Variants in G3BP2 observed in about 807,000 individuals in gnomAD.
The protein encoded by G3BP2 is ras GTPase-activating protein-binding protein 2.
A neutral mutation model predicts 56.7 loss-of-function variants in G3BP2; 11 were observed. The observed-to-expected ratio is 0.19, with a 90% CI of 0.12 to 0.32. G3BP2 has a LOEUF of 0.32. Ranked by LOEUF, G3BP2 falls within the 10% of genes least tolerant of loss-of-function variation. The pLI is 1.00. For synonymous variants in G3BP2, 165 were observed against 191.6 expected, an observed-to-expected ratio of 0.86 and a Z score of 1.15; for missense variants, 340 against 610.9, an observed-to-expected ratio of 0.56 and a Z score of 4.67.
At chr4:75,691,448 A>G (rs914307300) in intron 3 of G3BP2, among the ~76,000 whole-genome samples, 3 of 152,128 alleles carry the variant, frequency 2.0e-5, no homozygotes, top group Non-Finnish European at 4.4e-5. Context: ...GCCTCAAGCA[A>G]TCCTCCCACC....
intron 3 of G3BP2, among the ~76,000 whole-genome samples, chr4:75,686,563 G>GCGGGGGGTGGGGGT (rs1421666318): frequency 6.9e-6 from 1 of 145,714 alleles, no homozygotes; most frequent in Non-Finnish European, 1.5e-5. Flanking sequence ...AGGGTGGGTG[G>GCGGGGGGTGGGGGT]CGGGGGGTGG....
At chr4:75,670,389 T>C (rs778012471) in intron 1 of G3BP2, 8 of 152,222 alleles carry the variant, frequency 5.3e-5, no homozygotes, top group Non-Finnish European at 1.2e-4. Flanking sequence ...CTTCAATCTT[T>C]TGTGGTACAC....
chr4:75,648,634 C>T lies in G3BP2; in HGVS notation c.928+5G>A, dbSNP rs765201138. The T allele has an allele frequency of 6.7e-7, 1 of 1,489,200 alleles. No homozygotes were observed. Among genetic ancestry groups the T allele is most frequent in the Non-Finnish European group, 9.4e-7 (1 of 1,066,800 alleles). The allele number at this position is 1,489,200 out of a possible 1,614,324, so 92.2% of individuals were successfully genotyped here. On this transcript the variant is annotated splice_donor_5th_base_variant and intron_variant, in intron 9 of 11. Transcript: ENST00000359707. ...ATGCTAAAGGCTATAAAGGAGCTGA[C>T]TCACCTGGTCTTGGTCCTCTAGGAG...
chr4:75,695,658 T>C (rs1275068329), intron 3 of G3BP2, among the ~76,000 whole-genome samples: 2 of 152,014 alleles, frequency 1.3e-5, no homozygotes, highest in Admixed American at 6.5e-5. Context: ...ACTCTGGCAG[T>C]CAAAGACGCA....
intron 3 of G3BP2, among the ~76,000 whole-genome samples, chr4:75,692,149 T>C (rs2149082605): frequency 6.6e-6 from 1 of 152,304 alleles, no homozygotes; most frequent in African/African-American, 2.4e-5. Context: ...GTTGTCACTA[T>C]TATGTTCCTT....
chr4:75,655,233 C>G lies in G3BP2; in HGVS notation c.559G>C (p.Glu187Gln). The G allele has an allele frequency of 6.2e-7, 1 of 1,609,284 alleles. No homozygotes were observed. The highest frequency in any genetic ancestry group is 8.5e-7 in the Non-Finnish European group (1 of 1,177,184). ...EAHPVTNGIEEPLEESSHEPE... is the reference protein window; with the variant it reads ...EAHPVTNGIEQPLEESSHEPE... ...TCATGAGAGGATTCTTCCAAAGGCT[C>G]CTCTATGCCATTACTACAATAAAAT... Residue 187 changes from glutamate (E) to glutamine (Q), a missense_variant, in exon 7 of 12, where the codon GAG becomes CAG. Glu to Gln is a conservative substitution (Grantham distance 29, BLOSUM62 2). Coordinates refer to ENST00000359707, the MANE Select transcript of G3BP2 (RefSeq NM_203505.3).
At chr4:75,666,380 T>C (rs1232726592) in intron 1 of G3BP2, among the ~76,000 whole-genome samples, 1 of 152,196 alleles carries the variant, frequency 6.6e-6, no homozygotes, top group East Asian at 1.9e-4. Flanking sequence ...TATAACAGGT[T>C]ATATAGAAAG....
At chr4:75,657,143 T>C (rs1732177217) in intron 4 of G3BP2, 129 bp from the exon 5 acceptor site, 2 of 565,484 alleles carry the variant, frequency 3.5e-6, no homozygotes, top group African/African-American at 3.9e-5. Context: ...TTTCCAATGC[T>C]GAACATGCTA....
At position 75,657,130 on chromosome 4, in the gene G3BP2, A is replaced by T. The variant is rs1732176819; in HGVS notation, c.352-116T>A. ...AATACTAGAGATCTTGACTCAATAT[A>T]ATTTTCCAATGCTGAACATGCTATG... On this transcript the variant is annotated intron_variant, in intron 4 of 11. Transcript: ENST00000359707. 4 of 580,928 alleles carry T rather than the reference A, an allele frequency of 6.9e-6. No individual in the cohort carries two copies. The East Asian group carries it at 1.2e-4, about 17-fold the overall frequency. 36.0% of individuals were successfully genotyped at this position (580,928 alleles called of 1,614,324 possible). A position where few individuals can be genotyped will look rare whatever the true frequency, so the allele number is the denominator to read the frequency against.
intron 3 of G3BP2, among the ~76,000 whole-genome samples, chr4:75,678,433 G>A (rs942610440): frequency 2.6e-5 from 4 of 152,040 alleles, no homozygotes; most frequent in Non-Finnish European, 5.9e-5. Flanking sequence ...TTGAGATTAC[G>A]GGCATGAGCC....
chr4:75,723,239 G>T (rs915074498), intron 1 of G3BP2, among the ~76,000 whole-genome samples: 5 of 152,204 alleles, frequency 3.3e-5, no homozygotes, highest in Non-Finnish European at 7.3e-5. Flanking sequence ...ATCATAACAG[G>T]CCTGTATGAC....
Position 75,685,405 on chromosome 4 carries a change from G to A in G3BP2, c.-24-23356C>T, listed in dbSNP as rs577719481. ...AATCCCAGCTACTCAGGAGGCTGAG[G>A]CAGAAGAATCACTTGAACCTGGGAG... is the stretch of plus-strand genomic sequence containing the variant. On this transcript the variant is annotated intron_variant, in intron 3 of 3. Coordinates refer to the G3BP2 transcript ENST00000499709. Among the ~76,000 whole-genome samples, 9 of 151,164 alleles carry A rather than the reference G, an allele frequency of 6.0e-5. No homozygotes were observed. The South Asian group carries it at 1.9e-3, about 31-fold the overall frequency.
At chr4:75,691,409 A>G (rs747564613) in intron 3 of G3BP2, among the ~76,000 whole-genome samples, 2 of 152,056 alleles carry the variant, frequency 1.3e-5, no homozygotes, top group Non-Finnish European at 2.9e-5. Flanking sequence ...GGGTCTCACT[A>G]TGCTGGCCAG....
chr4:75,673,314 C>T lies in G3BP2; in HGVS notation c.-131G>A, dbSNP rs1002489737. ...TCGCCGCCCCCTTCCTCCGACAACTCGGAAGCCTCGGAAGCCGGAGAGCCG... is the reference window on the plus strand; with the variant it reads ...TCGCCGCCCCCTTCCTCCGACAACTTGGAAGCCTCGGAAGCCGGAGAGCCG... On this transcript the variant is annotated 5_prime_UTR_variant, in exon 1 of 12. Transcript: ENST00000359707. The T allele has an allele frequency of 8.1e-6, 10 of 1,228,734 alleles. No homozygotes were observed. The highest frequency in any genetic ancestry group is 9.1e-6 in the Non-Finnish European group (9 of 986,432). The allele number at this position is 1,228,734 out of a possible 1,614,324, so 76.1% of individuals were successfully genotyped here. A position where few individuals can be genotyped will look rare whatever the true frequency, so the allele number is the denominator to read the frequency against.
rs1028960416 is a variant in G3BP2 at position 75,643,452 on chromosome 4, T to A, written c.*1978A>T. Reference sequence around the variant, plus strand: ...TCTGGTAAGAATTTCAAGTACTATATCAGAAAGTATAAAACTGTTTCAAAC... The same window carrying A: ...TCTGGTAAGAATTTCAAGTACTATAACAGAAAGTATAAAACTGTTTCAAAC... On this transcript the variant is annotated 3_prime_UTR_variant, in exon 12 of 12. Transcript: ENST00000359707. The A allele has an allele frequency of 1.3e-5, 2 of 149,276 alleles. No homozygotes were observed. Among genetic ancestry groups the A allele is most frequent in the Admixed American group, 6.7e-5 (1 of 14,942 alleles). 9.2% of individuals were successfully genotyped at this position (149,276 alleles called of 1,614,324 possible). A position where few individuals can be genotyped will look rare whatever the true frequency, so the allele number is the denominator to read the frequency against.
intron 3 of G3BP2, among the ~76,000 whole-genome samples, chr4:75,719,803 G>A (rs1253928102): frequency 1.3e-5 from 2 of 151,858 alleles, no homozygotes; most frequent in Admixed American, 6.6e-5. Context: ...TGGTCAGGCT[G>A]GTCTCAAGCT....
chr4:75,681,848 C>CAA (rs149053660), intron 3 of G3BP2, among the ~76,000 whole-genome samples: 56 of 117,404 alleles, frequency 4.8e-4, no homozygotes, highest in South Asian at 2.6e-3. Flanking sequence ...GACTCCATCT[C>CAA]AAAAAAAAAA....
At chr4:75,653,298 A>G (rs886121874) in intron 8 of G3BP2, among the ~76,000 whole-genome samples, 1 of 152,160 alleles carries the variant, frequency 6.6e-6, no homozygotes, top group Non-Finnish European at 1.5e-5. Context: ...AAATGTAGGG[A>G]AAAAATTGGA....
intron 3 of G3BP2, among the ~76,000 whole-genome samples, chr4:75,719,091 G>A (rs527699403): frequency 6.6e-6 from 1 of 152,258 alleles, no homozygotes; most frequent in Non-Finnish European, 1.5e-5. Context: ...GCTCACGCCT[G>A]TAATCCCAGC....
Sources: allele counts gnomAD v4.1 joint callset (sites outside exome capture counted in the v4.1 genomes callset), GRCh38; gene constraint gnomAD v4.1.1; transcripts MANE v1.5; gene names NCBI Gene and HGNC (gene_info 2026-07-23, HGNC 2026-07-21).